TEK: variants seen among roughly 807,000 people sequenced by gnomAD.
TEK encodes angiopoietin-1 receptor.
In TEK, 43 loss-of-function variants were observed where a neutral mutation model predicts 131.8. The ratio of observed to expected loss-of-function variants is 0.33; its 90% CI spans 0.26 to 0.42. The LOEUF is 0.42. Among genes scored for constraint, TEK ranks in the 10% least tolerant of loss-of-function variants. TEK has a pLI of 1.00. For synonymous variants in TEK, 580 were observed against 491.6 expected (o/e 1.18, Z -2.38); for missense variants, 1,162 against 1,384.4 (o/e 0.84, Z 2.55).
chr9:27,168,823 A>G (rs928521584), intron 3 of TEK, among the ~76,000 whole-genome samples: 1 of 152,226 alleles, frequency 6.6e-6, no homozygotes, highest in Non-Finnish European at 1.5e-5. Flanking sequence ...ATGAATGTAC[A>G]TGGTGTATGT....
intron 9 of TEK, 69 bp from the exon 10 acceptor site, chr9:27,190,460 C>T: frequency 6.3e-6 from 10 of 1,589,696 alleles, no homozygotes; most frequent in Non-Finnish European, 8.6e-6. Context: ...ATATCTTCTA[C>T]CTCTACCTAA....
chr9:27,149,018 T>G (rs1823034212), intron 1 of TEK, among the ~76,000 whole-genome samples: 1 of 152,210 alleles, frequency 6.6e-6, no homozygotes, highest in African/African-American at 2.4e-5. Context: ...TTTTATTTTT[T>G]ATTATTTTCT....
At chr9:27,222,841 C>A (rs7037929) in intron 21 of TEK, among the ~76,000 whole-genome samples, 58,958 of 151,810 alleles carry the variant, frequency 0.39, 11,651 homozygotes, top group Middle Eastern at 0.51. Context: ...AGCATAATGA[C>A]AGGATCAAAT....
At chr9:27,119,043 G>T (rs543717582) in intron 1 of TEK, among the ~76,000 whole-genome samples, 20 of 152,268 alleles carry the variant, frequency 1.3e-4, no homozygotes, top group African/African-American at 4.8e-4. Flanking sequence ...ACGCAGCCCT[G>T]CCTCTTTCAG....
chr9:27,176,742 A>G (rs754755006), intron 6 of TEK, among the ~76,000 whole-genome samples: 1 of 152,240 alleles, frequency 6.6e-6, no homozygotes, highest in Non-Finnish European at 1.5e-5. Flanking sequence ...TGTACAATAC[A>G]GTAATATTAA....
chr9:27,115,773 AG>A (rs1821532627), intron 1 of TEK, among the ~76,000 whole-genome samples: 1 of 152,162 alleles, frequency 6.6e-6, no homozygotes, highest in African/African-American at 2.4e-5. Flanking sequence ...ACCTATACAA[AG>A]GGGGTGTGTA....
At chr9:27,207,062 A>G (rs1204358803) in intron 15 of TEK, among the ~76,000 whole-genome samples, 1 of 152,158 alleles carries the variant, frequency 6.6e-6, no homozygotes, top group Admixed American at 6.5e-5. Context: ...ACTTTTGCGG[A>G]GCATCATTGT....
At position 27,206,277 on chromosome 9, in the gene TEK, G is replaced by A. The variant is rs73643158; in HGVS notation, c.2365-305G>A. Among the ~76,000 whole-genome samples the A allele has an allele frequency of 2.3e-3, 348 of 152,272 alleles. 1 individual carries two copies. Among genetic ancestry groups the A allele is most frequent in the African/African-American group, 7.4e-3 (307 of 41,540 alleles). On this transcript the variant is annotated intron_variant, in intron 14 of 22. Transcript: ENST00000380036. ...TTTCACAACACTGTAGGGAACTCACGTACAACTAACGCAAGGATGGCAAAC... is the reference window on the plus strand; with the variant it reads ...TTTCACAACACTGTAGGGAACTCACATACAACTAACGCAAGGATGGCAAAC...
At chr9:27,119,947 T>G (rs1051142911) in intron 1 of TEK, among the ~76,000 whole-genome samples, 2 of 152,138 alleles carry the variant, frequency 1.3e-5, no homozygotes, top group Non-Finnish European at 2.9e-5. Context: ...GAAATAGCTC[T>G]CCCCCCATTT....
intron 6 of TEK, among the ~76,000 whole-genome samples, chr9:27,175,337 A>T (rs1254580339): frequency 6.7e-6 from 1 of 150,068 alleles, no homozygotes; most frequent in Admixed American, 6.6e-5. Flanking sequence ...TTATGGCTGC[A>T]TAGTATTCCA....
At chr9:27,225,779 C>G (rs1826299312) in intron 21 of TEK, among the ~76,000 whole-genome samples, 1 of 152,152 alleles carries the variant, frequency 6.6e-6, no homozygotes, top group Admixed American at 6.5e-5. Context: ...GCAAAAGAAA[C>G]CACCATCAGA....
chr9:27,112,553 G>C (rs1243862944), intron 1 of TEK, among the ~76,000 whole-genome samples: 1 of 152,162 alleles, frequency 6.6e-6, no homozygotes, highest in Admixed American at 6.5e-5. Context: ...CTCCAGGAGG[G>C]AAGGAGTCTT....
At chr9:27,142,760 G>A (rs1822774899) in intron 1 of TEK, among the ~76,000 whole-genome samples, 1 of 152,178 alleles carries the variant, frequency 6.6e-6, no homozygotes, top group Non-Finnish European at 1.5e-5. Flanking sequence ...TGTTCCGGAT[G>A]TTTTACATTT....
In TEK at chr9:27,191,934, A is replaced by G. The variant is rs538506709; in HGVS notation, c.1490-555A>G. 359 of 455,722 alleles carry G rather than the reference A, an allele frequency of 7.9e-4. 8 individuals carry two copies. The highest frequency in any genetic ancestry group is 5.3e-3 in the South Asian group (342 of 64,438). The allele number at this position is 455,722 out of a possible 1,614,324, so 28.2% of individuals were successfully genotyped here. On this transcript the variant is annotated intron_variant, in intron 10 of 22. Transcript: ENST00000380036. ...GCAGAAATTTATCTTTGCAGTATCC[A>G]TGGAGAAACAGAGGCTGACTAAAGC... is the stretch of plus-strand genomic sequence containing the variant.
In TEK at chr9:27,136,164, C is replaced by G. The variant is rs140622644; in HGVS notation, c.53-21667C>G. ...TGGCACGATCTTGGCTCACTGCAAC[C>G]TCCCCATCCCAGGTTCAGGCAATTC... On this transcript the variant is annotated intron_variant, in intron 1 of 22. Transcript: ENST00000380036. Among the ~76,000 whole-genome samples, 360 of 151,120 alleles carry G rather than the reference C, an allele frequency of 2.4e-3. 2 individuals carry two copies. Among genetic ancestry groups the G allele is most frequent in the African/African-American group, 8.2e-3 (336 of 41,148 alleles).
At chr9:27,110,798 A>G (rs1263529971) in intron 1 of TEK, among the ~76,000 whole-genome samples, 1 of 152,240 alleles carries the variant, frequency 6.6e-6, no homozygotes, top group East Asian at 1.9e-4. Flanking sequence ...AATGTGTAAC[A>G]CAAGTTGCTA....
At chr9:27,226,751 G>C (rs1826346760) in intron 21 of TEK, among the ~76,000 whole-genome samples, 3 of 152,042 alleles carry the variant, frequency 2.0e-5, no homozygotes, top group Non-Finnish European at 4.4e-5. Context: ...ACATTTTCTT[G>C]CCTAGAACCT....
At chr9:27,136,917 G>GTTTA (rs977274589) in intron 1 of TEK, among the ~76,000 whole-genome samples, 1 of 151,996 alleles carries the variant, frequency 6.6e-6, no homozygotes, top group East Asian at 1.9e-4. Context: ...TTAAATCTTT[G>GTTTA]TTTATTTATT....
chr9:27,140,384 A>G (rs1317632313), intron 1 of TEK, among the ~76,000 whole-genome samples: 2 of 143,778 alleles, frequency 1.4e-5, no homozygotes, highest in African/African-American at 5.1e-5. Context: ...TGAAACTTAC[A>G]TTAGCAAAAA....
Sources: gnomAD v4.1 joint callset for allele counts (sites outside exome capture counted in the v4.1 genomes callset) on GRCh38, gnomAD v4.1.1 for gene constraint, MANE v1.5 for transcripts, NCBI Gene and HGNC (gene_info 2026-07-23, HGNC 2026-07-21) for gene names.